NBAS: variants seen among roughly 807,000 people sequenced by gnomAD.
The protein encoded by NBAS is NBAS subunit of NRZ tethering complex, also known as NAG/BC035112 fusion.
In NBAS, 219 loss-of-function variants were observed where a neutral mutation model predicts 302.5. The ratio of observed to expected loss-of-function variants is 0.72; its 90% CI spans 0.65 to 0.81. The LOEUF is 0.81. Ranked by LOEUF, NBAS falls within the 30% of genes least tolerant of loss-of-function variation. NBAS has a pLI of 0.00. For synonymous variants in NBAS, 1,118 were observed against 1,021.6 expected (o/e 1.09, Z -1.80); for missense variants, 2,932 against 2,841.6 (o/e 1.03, Z -0.72).
the NBAS span, among the ~76,000 whole-genome samples, chr2:15,001,106 T>G: frequency 1.3e-5 from 2 of 152,268 alleles, no homozygotes; most frequent in East Asian, 3.9e-4. Flanking sequence ...ATAGGCTTGA[T>G]GACACGTTAT....
At position 15,396,906 on chromosome 2, in the gene NBAS, C is replaced by T. The variant is rs112957015; in HGVS notation, c.3072-431G>A. Among the ~76,000 whole-genome samples the T allele has an allele frequency of 6.8e-3, 1,030 of 152,320 alleles. 12 individuals are homozygous for T. The highest frequency in any genetic ancestry group is 0.022 in the African/African-American group (929 of 41,586). On this transcript the variant is annotated intron_variant, in intron 26 of 51. Transcript: ENST00000281513. ...AGGACCCCTCCTCTCCAGGAAGTTT[C>T]CATTAGGATTCCATATACTCAGAAA...
At position 15,509,149 on chromosome 2, in the gene NBAS, C is replaced by T. The variant is rs527882614; in HGVS notation, c.885+2063G>A. On this transcript the variant is annotated intron_variant, in intron 10 of 51. Coordinates refer to ENST00000281513, the MANE Select transcript of NBAS (RefSeq NM_015909.4). ...TACGAGTAACTTCTACCTCACTTTACTTTTTATAGATTATGGGATAATCAT... is the reference window on the plus strand; with the variant it reads ...TACGAGTAACTTCTACCTCACTTTATTTTTTATAGATTATGGGATAATCAT... 3.3e-5 allele frequency among the ~76,000 whole-genome samples: 5 copies of T among 152,292 alleles called. No individual in the cohort carries two copies. In the East Asian group the frequency reaches 9.6e-4, roughly 29 times the overall value.
At chr2:15,302,408 C>T (rs186453330) in intron 40 of NBAS, among the ~76,000 whole-genome samples, 187 of 152,268 alleles carry the variant, frequency 1.2e-3, no homozygotes, top group African/African-American at 4.4e-3. Context: ...GGTGTTCAGG[C>T]ATCATCACTG....
At chr2:15,119,828 G>A in the NBAS span, among the ~76,000 whole-genome samples, 2 of 152,058 alleles carry the variant, frequency 1.3e-5, no homozygotes, top group African/African-American at 4.8e-5. Flanking sequence ...ATCACCTTAC[G>A]CCATTCATCT....
At chr2:14,936,568 T>C in the NBAS span, among the ~76,000 whole-genome samples, 23 of 152,364 alleles carry the variant, frequency 1.5e-4, no homozygotes, top group African/African-American at 5.0e-4. Flanking sequence ...GAAGCTCATC[T>C]AATCTCAAAG....
the NBAS span, among the ~76,000 whole-genome samples, chr2:14,957,906 A>G: frequency 3.9e-5 from 6 of 152,176 alleles, no homozygotes; most frequent in Admixed American, 2.0e-4. Flanking sequence ...ATTTGGGGAC[A>G]TGCCAAGTTT....
At chr2:15,527,392 A>C (rs1031362870) in intron 9 of NBAS, among the ~76,000 whole-genome samples, 36 of 152,304 alleles carry the variant, frequency 2.4e-4, no homozygotes, top group African/African-American at 8.2e-4. Flanking sequence ...TGAGTAATTT[A>C]TGAAGAACAG....
intron 35 of NBAS, among the ~76,000 whole-genome samples, chr2:15,331,534 C>A (rs1340008508): frequency 6.6e-6 from 1 of 152,122 alleles, no homozygotes; most frequent in African/African-American, 2.4e-5. Context: ...AGAAGAAAAC[C>A]TTAAGGCTTA....
chr2:15,155,850 C>G, the NBAS span, among the ~76,000 whole-genome samples: 1 of 152,176 alleles, frequency 6.6e-6, no homozygotes, highest in Non-Finnish European at 1.5e-5. Context: ...CAGAGCCTGG[C>G]TCCATTGCGC....
chr2:15,371,696 G>A (rs1226755102), intron 31 of NBAS, among the ~76,000 whole-genome samples: 1 of 152,146 alleles, frequency 6.6e-6, no homozygotes, highest in Non-Finnish European at 1.5e-5. Context: ...GTCATAGAAT[G>A]TGCCTTGTCC....
At chr2:15,457,729 C>G (rs773810870) in intron 21 of NBAS, among the ~76,000 whole-genome samples, 1 of 152,246 alleles carries the variant, frequency 6.6e-6, no homozygotes, top group Non-Finnish European at 1.5e-5. Context: ...AAATAGGACA[C>G]TGCTCATCTG....
At chr2:14,861,595 AAGTACTC>A in the NBAS span, among the ~76,000 whole-genome samples, 4 of 152,274 alleles carry the variant, frequency 2.6e-5, no homozygotes, top group Non-Finnish European at 5.9e-5. Flanking sequence ...GCTCTTCAAC[AAGTACTC>A]CTTTGAGAAA....
At chr2:15,078,606 G>A in the NBAS span, among the ~76,000 whole-genome samples, 3 of 152,114 alleles carry the variant, frequency 2.0e-5, no homozygotes, top group East Asian at 5.8e-4. Flanking sequence ...TGTCTTCTGG[G>A]GAAAAGGACC....
chr2:15,233,615 CA>C (rs1045841917), intron 46 of NBAS, among the ~76,000 whole-genome samples: 7 of 152,004 alleles, frequency 4.6e-5, no homozygotes, highest in Admixed American at 3.9e-4. Context: ...TAATCAACAT[CA>C]AAAAATCCTA....
chr2:15,026,839 G>A, the NBAS span, among the ~76,000 whole-genome samples: 1 of 152,136 alleles, frequency 6.6e-6, no homozygotes, highest in Non-Finnish European at 1.5e-5. Flanking sequence ...GGCTTAAGAT[G>A]TGTGTCTACT....
chr2:15,484,092 A>G (rs751866825), intron 12 of NBAS, among the ~76,000 whole-genome samples: 2 of 152,184 alleles, frequency 1.3e-5, no homozygotes, highest in African/African-American at 2.4e-5. Flanking sequence ...TCCAGTGATG[A>G]GTACACACAG....
At chr2:14,957,709 C>T in the NBAS span, among the ~76,000 whole-genome samples, 3 of 152,196 alleles carry the variant, frequency 2.0e-5, no homozygotes, top group Admixed American at 2.0e-4. Context: ...TGGCTCCAGC[C>T]GTCAGCCCTG....
chr2:15,250,265 G>C (rs1299347523), intron 44 of NBAS, among the ~76,000 whole-genome samples: 2 of 152,182 alleles, frequency 1.3e-5, no homozygotes, highest in African/African-American at 4.8e-5. Flanking sequence ...GGCATATGCA[G>C]AAAGCTGAAA....
Position 15,213,259 on chromosome 2 carries a change from A to T in NBAS, c.6432+5514T>A, listed in dbSNP as rs1391891236. Among the ~76,000 whole-genome samples, 3 of 152,356 alleles carry T rather than the reference A, an allele frequency of 2.0e-5. No individual in the cohort carries two copies. In the East Asian group the frequency reaches 5.8e-4, roughly 29 times the overall value. On this transcript the variant is annotated intron_variant, in intron 48 of 51. Transcript: ENST00000281513. ...AGTGTAGCACAGTGCATGTCAAATGACATATGCTTGAAGAATATTTGGTGA... is the reference window on the plus strand; with the variant it reads ...AGTGTAGCACAGTGCATGTCAAATGTCATATGCTTGAAGAATATTTGGTGA...
Sources: gnomAD v4.1 joint callset for allele counts (sites outside exome capture counted in the v4.1 genomes callset) on GRCh38, gnomAD v4.1.1 for gene constraint, MANE v1.5 for transcripts, NCBI Gene and HGNC (gene_info 2026-07-23, HGNC 2026-07-21) for gene names.